Variants in RAB3C observed in about 807,000 individuals in gnomAD.
RAB3C encodes RAB3C, member RAS oncogene family.
A neutral mutation model predicts 26.4 loss-of-function variants in RAB3C; 17 were observed. That is an observed-to-expected ratio of 0.64 (90% CI 0.44 to 0.97). The LOEUF (loss-of-function observed/expected upper bound fraction) is 0.97, where lower values mean the gene tolerates loss of function less well. RAB3C is among the 50% of genes least tolerant of loss of function. The pLI, the probability that RAB3C is intolerant of heterozygous loss-of-function variation, is 0.00. For missense variants in RAB3C, 242 were observed against 281.9 expected, an observed-to-expected ratio of 0.86 and a Z score of 1.01; for synonymous variants, 91 against 95.9, an observed-to-expected ratio of 0.95 and a Z score of 0.30.
chr5:58,639,546 T>C (rs1747367904), intron 2 of RAB3C, among the ~76,000 whole-genome samples: 1 of 152,174 alleles, frequency 6.6e-6, no homozygotes. Context: ...CTGATCTCTC[T>C]TCTTTTAAGG....
intron 2 of RAB3C, among the ~76,000 whole-genome samples, chr5:58,691,498 C>G (rs1243580876): frequency 3.1e-5 from 3 of 95,748 alleles, no homozygotes; most frequent in African/African-American, 1.4e-4. Context: ...AGCCAAAACA[C>G]TTTTACATCT....
chr5:58,811,223 A>G (rs1166242232), intron 3 of RAB3C, among the ~76,000 whole-genome samples: 1 of 152,214 alleles, frequency 6.6e-6, no homozygotes, highest in Non-Finnish European at 1.5e-5. Flanking sequence ...GGCAAATGGC[A>G]ACTGTGGAGC....
At chr5:58,621,716 C>T (rs1746944514) in intron 2 of RAB3C, among the ~76,000 whole-genome samples, 1 of 152,128 alleles carries the variant, frequency 6.6e-6, no homozygotes, top group Admixed American at 6.5e-5. Context: ...GCTGGGATTA[C>T]AGGTGTGTGC....
intron 1 of RAB3C, among the ~76,000 whole-genome samples, chr5:58,600,703 G>A (rs1294458974): frequency 6.6e-6 from 1 of 152,078 alleles, no homozygotes; most frequent in Non-Finnish European, 1.5e-5. Flanking sequence ...CTTTTATCTG[G>A]AAACTTTGCT....
intron 4 of RAB3C, among the ~76,000 whole-genome samples, chr5:58,847,821 C>T (rs575248368): frequency 5.9e-4 from 90 of 152,168 alleles, no homozygotes; most frequent in South Asian, 1.0e-3. Flanking sequence ...CCCAGCATAT[C>T]TGGTCAATGA....
At chr5:58,773,636 G>A (rs572141760) in intron 3 of RAB3C, among the ~76,000 whole-genome samples, 82 of 152,168 alleles carry the variant, frequency 5.4e-4, no homozygotes, top group Middle Eastern at 6.8e-3. Context: ...CCTTGATTGA[G>A]GCTGGTACTG....
chr5:58,701,231 G>A (rs1748836298), intron 2 of RAB3C, among the ~76,000 whole-genome samples: 1 of 152,080 alleles, frequency 6.6e-6, no homozygotes, highest in East Asian at 1.9e-4. Context: ...TCGATCTCCT[G>A]ACCTCATGAT....
At chr5:58,779,725 C>T (rs1742232357) in intron 3 of RAB3C, among the ~76,000 whole-genome samples, 1 of 152,050 alleles carries the variant, frequency 6.6e-6, no homozygotes, top group East Asian at 1.9e-4. Context: ...TTAGAGGAGC[C>T]AGAACTGAAC....
At chr5:58,728,868 G>A (rs983195495) in intron 3 of RAB3C, among the ~76,000 whole-genome samples, 11 of 151,810 alleles carry the variant, frequency 7.2e-5, no homozygotes, top group Admixed American at 2.0e-4. Flanking sequence ...TCTTCCATAC[G>A]CTCTATGTTT....
intron 1 of RAB3C, among the ~76,000 whole-genome samples, chr5:58,585,836 C>T (rs977115924): frequency 6.6e-6 from 1 of 152,044 alleles, no homozygotes; most frequent in Admixed American, 6.6e-5. Flanking sequence ...TCTCTGACAT[C>T]TTTATTTCCT....
At chr5:58,613,171 C>G (rs1746750954) in intron 1 of RAB3C, among the ~76,000 whole-genome samples, 1 of 152,026 alleles carries the variant, frequency 6.6e-6, no homozygotes, top group African/African-American at 2.4e-5. Flanking sequence ...TCTGGGAAAA[C>G]AGTAGTTAAA....
At chr5:58,780,251 C>T (rs192273466) in intron 3 of RAB3C, among the ~76,000 whole-genome samples, 199 of 152,098 alleles carry the variant, frequency 1.3e-3, no homozygotes, top group Non-Finnish European at 2.5e-3. Flanking sequence ...AGTATGAGCT[C>T]CAATTAAATG....
At position 58,681,020 on chromosome 5, in the gene RAB3C, AT is replaced by A. The variant is rs549771349; in HGVS notation, c.253-44974del. On this transcript the variant is annotated intron_variant, in intron 2 of 4. Coordinates refer to ENST00000282878, the MANE Select transcript of RAB3C (RefSeq NM_138453.4). ...CTAATTTTTAAATTTATTTAATAAA[AT>A]TTTTTTTAATTTTTGTGGGAAAATG... is the stretch of plus-strand genomic sequence containing the variant. 8.3e-4 allele frequency among the ~76,000 whole-genome samples: 127 copies of A among 152,134 alleles called. 1 individual carries two copies. The highest frequency in any genetic ancestry group is 6.8e-3 in the Middle Eastern group (2 of 294).
chr5:58,781,510 G>C (rs571476903), intron 3 of RAB3C, among the ~76,000 whole-genome samples: 1 of 151,734 alleles, frequency 6.6e-6, no homozygotes, highest in Admixed American at 6.6e-5. Flanking sequence ...CAGGGAACAA[G>C]TTAATTTATT....
intron 4 of RAB3C, among the ~76,000 whole-genome samples, chr5:58,847,466 C>G (rs908151551): frequency 6.6e-6 from 1 of 152,186 alleles, no homozygotes; most frequent in Admixed American, 6.5e-5. Context: ...TTTCTCAGAA[C>G]AAGCTCAAAA....
At chr5:58,691,604 ACGGAACAGT>A (rs1251447146) in intron 2 of RAB3C, among the ~76,000 whole-genome samples, 1 of 152,160 alleles carries the variant, frequency 6.6e-6, no homozygotes, top group Non-Finnish European at 1.5e-5. Flanking sequence ...TGGGACTGAG[ACGGAACAGT>A]CTTGGTACAA....
chr5:58,811,372 T>C (rs1251217258), intron 3 of RAB3C, among the ~76,000 whole-genome samples: 1 of 152,114 alleles, frequency 6.6e-6, no homozygotes, highest in Non-Finnish European at 1.5e-5. Flanking sequence ...TGTATGTGTG[T>C]GTGTGTCTGT....
rs567647405 is a variant in RAB3C, at chr5:58,852,690, A to G, written c.*1339A>G. 9.2e-5 allele frequency: 14 copies of G among 152,292 alleles called. No individual in the cohort carries two copies. The highest frequency in any genetic ancestry group is 2.1e-4 in the South Asian group (1 of 4,828). 9.4% of individuals were successfully genotyped at this position (152,292 alleles called of 1,614,324 possible). ...GACCTATATGAATAAAGAGAAAACA[A>G]CAAATCCTACCAGCTGTACAGAGAG... On this transcript the variant is annotated 3_prime_UTR_variant, in exon 5 of 5. Coordinates refer to ENST00000282878, the MANE Select transcript of RAB3C (RefSeq NM_138453.4).
At chr5:58,646,257 C>A (rs1173982947) in intron 2 of RAB3C, among the ~76,000 whole-genome samples, 2 of 152,234 alleles carry the variant, frequency 1.3e-5, no homozygotes, top group East Asian at 3.9e-4. Flanking sequence ...GTAACTGACA[C>A]AAACAGCTTC....
Sources: allele counts gnomAD v4.1 joint callset (sites outside exome capture counted in the v4.1 genomes callset), GRCh38; gene constraint gnomAD v4.1.1; transcripts MANE v1.5; gene names NCBI Gene and HGNC (gene_info 2026-07-23, HGNC 2026-07-21).